The following PDE10A variants were observed in gnomAD, a reference collection of about 807,000 sequenced individuals.
PDE10A encodes cAMP and cAMP-inhibited cGMP 3',5'-cyclic phosphodiesterase 10A.
A neutral mutation model predicts 97.7 loss-of-function variants in PDE10A; 39 were observed. The observed-to-expected ratio is 0.40, with a 90% CI of 0.31 to 0.52. The LOEUF (loss-of-function observed/expected upper bound fraction) is 0.52, where lower values mean the gene tolerates loss of function less well. Ranked by LOEUF, PDE10A falls within the 20% of genes least tolerant of loss-of-function variation. PDE10A has a pLI of 0.56. For missense variants in PDE10A, 731 were observed against 1,047.8 expected (o/e 0.70, Z 4.17); for synonymous variants, 371 against 376.8 (o/e 0.98, Z 0.18).
chr6:165,986,896 A>G (rs1317030927), intron 1 of PDE10A, among the ~76,000 whole-genome samples: 1 of 152,000 alleles, frequency 6.6e-6, no homozygotes, highest in Non-Finnish European at 1.5e-5. Flanking sequence ...CAATCTAGTG[A>G]TGCTTTCAGG....
intron 10 of PDE10A, among the ~76,000 whole-genome samples, chr6:165,428,022 A>G (rs1789288164): frequency 6.6e-6 from 1 of 152,176 alleles, no homozygotes; most frequent in Non-Finnish European, 1.5e-5. Context: ...AAAACTTATC[A>G]GTATGCATCA....
intron 1 of PDE10A, among the ~76,000 whole-genome samples, chr6:165,683,366 C>T (rs1791028467): frequency 6.6e-6 from 1 of 152,096 alleles, no homozygotes; most frequent in African/African-American, 2.4e-5. Context: ...TCAGAAAGGA[C>T]TTATTTAAAC....
At chr6:165,969,734 G>A (rs1013048842) in intron 1 of PDE10A, among the ~76,000 whole-genome samples, 1 of 152,122 alleles carries the variant, frequency 6.6e-6, no homozygotes, top group African/African-American at 2.4e-5. Flanking sequence ...GAAAGACACA[G>A]AAGCCACCCT....
At chr6:165,603,767 A>G (rs929065366) in intron 1 of PDE10A, among the ~76,000 whole-genome samples, 6 of 152,248 alleles carry the variant, frequency 3.9e-5, no homozygotes, top group Non-Finnish European at 8.8e-5. Context: ...TCAATGACGT[A>G]TGTGTTATTT....
chr6:165,460,807 C>A (rs968870269), intron 3 of PDE10A, among the ~76,000 whole-genome samples: 1 of 152,054 alleles, frequency 6.6e-6, no homozygotes, highest in Non-Finnish European at 1.5e-5. Flanking sequence ...AATTATATAG[C>A]CCTCAGAATC....
chr6:165,348,693 C>T (rs142126071), intron 18 of PDE10A, among the ~76,000 whole-genome samples: 8 of 152,302 alleles, frequency 5.3e-5, no homozygotes, highest in African/African-American at 9.6e-5. Flanking sequence ...TTGTCCCCCA[C>T]CCAAATCTCA....
chr6:165,983,068 G>GACACACAC (rs10623514), intron 1 of PDE10A, among the ~76,000 whole-genome samples: 56 of 151,104 alleles, frequency 3.7e-4, no homozygotes, highest in African/African-American at 8.3e-4. Flanking sequence ...ACAATTTTAC[G>GACACACAC]ACACACACAC....
chr6:165,341,895 A>G (rs485667), intron 19 of PDE10A, among the ~76,000 whole-genome samples: 85,250 of 152,014 alleles, frequency 0.56, 25,264 homozygotes, highest in African/African-American at 0.76. Context: ...ATCACAGAGC[A>G]TTTTAAACAC....
intron 1 of PDE10A, among the ~76,000 whole-genome samples, chr6:165,616,103 C>A (rs929288733): frequency 6.6e-6 from 1 of 152,074 alleles, no homozygotes; most frequent in Non-Finnish European, 1.5e-5. Flanking sequence ...TTTTCAAGTT[C>A]ACAGAAGGCA....
Position 165,418,917 on chromosome 6 carries a change from T to C in PDE10A, c.1654-140A>G. On this transcript the variant is annotated intron_variant, in intron 10 of 21. Transcript: ENST00000539869. The surrounding 1 kb of genome is among the most constrained non-coding windows in gnomAD (Gnocchi z 4.8). Reference sequence around the variant, plus strand: ...TATTAGCATTATAAGTAAATAAATATACAAGTATATAAATATTTCATATAT... The same window carrying C: ...TATTAGCATTATAAGTAAATAAATACACAAGTATATAAATATTTCATATAT... 1 of 633,554 alleles carries C rather than the reference T, an allele frequency of 1.6e-6. No individual in the cohort carries two copies. Among genetic ancestry groups the C allele is most frequent in the Non-Finnish European group, 2.7e-6 (1 of 368,508 alleles). The allele number at this position is 633,554 out of a possible 1,614,324, so 39.2% of individuals were successfully genotyped here. A position where few individuals can be genotyped will look rare whatever the true frequency, so the allele number is the denominator to read the frequency against.
At chr6:165,826,292 CCATGTCCGTCTT>C (rs71884747) in intron 1 of PDE10A, among the ~76,000 whole-genome samples, 52,437 of 137,728 alleles carry the variant, frequency 0.38, 9,579 homozygotes, top group East Asian at 0.6. Context: ...CCCTCTGTCC[CCATGTCCGTCTT>C]CATGTCCCTC....
At chr6:165,687,475 A>G (rs1253468961) in intron 1 of PDE10A, among the ~76,000 whole-genome samples, 3 of 152,252 alleles carry the variant, frequency 2.0e-5, no homozygotes, top group African/African-American at 7.2e-5. Flanking sequence ...ATCTACAGAG[A>G]CAGACTTTAA....
At chr6:165,943,759 T>C (rs965534832) in intron 1 of PDE10A, among the ~76,000 whole-genome samples, 1 of 152,252 alleles carries the variant, frequency 6.6e-6, no homozygotes. Context: ...TAATATCTTC[T>C]GGAAACGTCC....
chr6:165,547,423 C>T (rs1197790927), intron 1 of PDE10A, among the ~76,000 whole-genome samples: 1 of 152,048 alleles, frequency 6.6e-6, no homozygotes, highest in Non-Finnish European at 1.5e-5. Flanking sequence ...TCTGCAAATG[C>T]CCATGGAAAC....
intron 2 of PDE10A, among the ~76,000 whole-genome samples, chr6:165,522,243 A>G (rs560826869): frequency 6.6e-6 from 1 of 152,274 alleles, no homozygotes; most frequent in Non-Finnish European, 1.5e-5. Flanking sequence ...TACCAATCCT[A>G]GTGAAACAAC....
At chr6:165,417,996 C>T (rs1188197355) in intron 11 of PDE10A, among the ~76,000 whole-genome samples, 1 of 152,268 alleles carries the variant, frequency 6.6e-6, no homozygotes, top group Non-Finnish European at 1.5e-5. Flanking sequence ...GATTCTTAAA[C>T]GTTTTGTCAG....
intron 2 of PDE10A, among the ~76,000 whole-genome samples, chr6:165,510,060 T>G (rs1781423762): frequency 6.6e-6 from 1 of 151,980 alleles, no homozygotes. Context: ...CTTGGATGCC[T>G]TTTATTTCCT....
At chr6:165,875,878 G>C (rs1781332895) in intron 1 of PDE10A, among the ~76,000 whole-genome samples, 1 of 151,912 alleles carries the variant, frequency 6.6e-6, no homozygotes, top group African/African-American at 2.4e-5. Context: ...ATTGTTTATG[G>C]GAAAATAGCT....
At chr6:165,591,607 G>A (rs183285351) in intron 1 of PDE10A, among the ~76,000 whole-genome samples, 8 of 152,290 alleles carry the variant, frequency 5.3e-5, no homozygotes, top group African/African-American at 1.9e-4. Flanking sequence ...TTGCCAAAAG[G>A]CAATGTCAAG....
Sources: gnomAD v4.1 joint callset for allele counts (sites outside exome capture counted in the v4.1 genomes callset) on GRCh38, gnomAD v4.1.1 for gene constraint, Gnocchi (gnomAD v3.1) non-coding constraint, MANE v1.5 for transcripts, NCBI Gene and HGNC (gene_info 2026-07-23, HGNC 2026-07-21) for gene names.